The following SRGAP1 variants were observed in gnomAD, a reference collection of about 807,000 sequenced individuals.
The protein encoded by SRGAP1 is SLIT-ROBO Rho GTPase activating protein 1, also known as SLIT-ROBO Rho GTPase-activating protein 1.
In SRGAP1, 43 loss-of-function variants were observed where a neutral mutation model predicts 121.9. The observed-to-expected ratio is 0.35, with a 90% CI of 0.28 to 0.46. The LOEUF (loss-of-function observed/expected upper bound fraction) is 0.46, where lower values mean the gene tolerates loss of function less well. Ranked by LOEUF, SRGAP1 falls within the 20% of genes least tolerant of loss-of-function variation. The probability of loss-of-function intolerance (pLI) is 1.00; values close to 1 mark genes in which losing one functional copy is unlikely to be tolerated. For synonymous variants in SRGAP1, 447 were observed against 485.4 expected (o/e 0.92, Z 1.04); for missense variants, 1,102 against 1,350.9 (o/e 0.82, Z 2.89).
At chr12:64,046,324 G>C (rs902264844) in intron 6 of SRGAP1, among the ~76,000 whole-genome samples, 1 of 152,138 alleles carries the variant, frequency 6.6e-6, no homozygotes, top group African/African-American at 2.4e-5. Flanking sequence ...TTTTTGAGCA[G>C]GGAAGTGACA....
At chr12:64,012,071 A>G (rs959922317) in intron 3 of SRGAP1, among the ~76,000 whole-genome samples, 7 of 151,742 alleles carry the variant, frequency 4.6e-5, no homozygotes, top group African/African-American at 1.7e-4. Flanking sequence ...CAAACAAACA[A>G]AAAAAATTAT....
chr12:63,905,195 T>A (rs2030143076), intron 1 of SRGAP1, among the ~76,000 whole-genome samples: 1 of 152,208 alleles, frequency 6.6e-6, no homozygotes, highest in Non-Finnish European at 1.5e-5. Flanking sequence ...TTCAGTATCG[T>A]TAGTGCCTTC....
At chr12:64,122,501 T>C (rs1450151405) in intron 18 of SRGAP1, among the ~76,000 whole-genome samples, 1 of 152,196 alleles carries the variant, frequency 6.6e-6, no homozygotes, top group African/African-American at 2.4e-5. Flanking sequence ...GTTGATGTAC[T>C]AGGATTGCCA....
intron 15 of SRGAP1, among the ~76,000 whole-genome samples, chr12:64,101,921 AAACC>A (rs2036261215): frequency 6.6e-6 from 1 of 152,218 alleles, no homozygotes; most frequent in Non-Finnish European, 1.5e-5. Flanking sequence ...TCCTATCACA[AAACC>A]AACATGTAGT....
intron 21 of SRGAP1, among the ~76,000 whole-genome samples, chr12:64,134,009 G>A (rs372134864): frequency 1.3e-5 from 2 of 152,132 alleles, no homozygotes; most frequent in African/African-American, 4.8e-5. Context: ...GTTGCCACTT[G>A]GCTCCTGCTA....
At chr12:63,894,975 T>A (rs1900708014) in intron 1 of SRGAP1, among the ~76,000 whole-genome samples, 1 of 152,202 alleles carries the variant, frequency 6.6e-6, no homozygotes, top group Non-Finnish European at 1.5e-5. Flanking sequence ...TGATTTATAA[T>A]CCTTTGGGTC....
chr12:63,882,723 T>C (rs1343590022), intron 1 of SRGAP1, among the ~76,000 whole-genome samples: 2 of 152,246 alleles, frequency 1.3e-5, no homozygotes, highest in Non-Finnish European at 2.9e-5. Flanking sequence ...ATTGAATTTA[T>C]TTACAGACTG....
At position 64,087,000 on chromosome 12, in the gene SRGAP1, T is replaced by G; in HGVS notation, c.1410T>G (p.Gly470=). ...TTACTTTAAATTTTTTTCCTGCAGG[T>G]CATAGAGCTGAATATATGACTACAA... ...HDLLQRTLGE[G]HRAEYMTTRP... Residue 470 remains glycine (G), a splice_region_variant and synonymous_variant, in exon 11 of 22, where the codon GGT becomes GGG. Coordinates refer to ENST00000355086, the MANE Select transcript of SRGAP1 (RefSeq NM_020762.4). 6.3e-7 allele frequency: 1 copy of G among 1,595,160 alleles called. No individual in the cohort carries two copies. Among genetic ancestry groups the G allele is most frequent in the Non-Finnish European group, 8.6e-7 (1 of 1,167,448 alleles).
At chr12:63,980,509 C>T (rs1309996628) in intron 1 of SRGAP1, among the ~76,000 whole-genome samples, 1 of 151,938 alleles carries the variant, frequency 6.6e-6, no homozygotes, top group African/African-American at 2.4e-5. Flanking sequence ...GCCATTTGTG[C>T]AGGGAGGTAA....
rs186536256 is a variant in SRGAP1, at chr12:64,058,295, A to G, written c.802-4622A>G. Among the ~76,000 whole-genome samples the G allele has an allele frequency of 1.1e-4, 17 of 152,302 alleles. No homozygotes were observed. In the East Asian group the frequency reaches 3.3e-3, roughly 29 times the overall value. On this transcript the variant is annotated intron_variant, in intron 6 of 21. Coordinates refer to ENST00000355086, the MANE Select transcript of SRGAP1 (RefSeq NM_020762.4). The stretch of plus-strand genomic sequence containing the variant: ...AACTTTTCGACTTTACAATAAGTTT[A>G]TTGGGGCATTAAATGCATTTTTAAT...
At chr12:64,088,546 G>A (rs369604454) in intron 11 of SRGAP1, among the ~76,000 whole-genome samples, 2 of 152,302 alleles carry the variant, frequency 1.3e-5, no homozygotes, top group South Asian at 4.1e-4. Context: ...GAAGTCATGT[G>A]GTAGCCACAG....
intron 1 of SRGAP1, among the ~76,000 whole-genome samples, chr12:63,928,463 A>G (rs2136334729): frequency 6.6e-6 from 1 of 152,342 alleles, no homozygotes; most frequent in South Asian, 2.1e-4. Context: ...AAATTCTGGT[A>G]TATCTATACC....
intron 3 of SRGAP1, among the ~76,000 whole-genome samples, chr12:63,993,281 AC>A (rs1198389955): frequency 2.0e-5 from 3 of 152,170 alleles, no homozygotes; most frequent in African/African-American, 7.2e-5. Flanking sequence ...AATTACCTTG[AC>A]CAGCAAGATA....
chr12:64,134,206 G>C (rs1272977355), intron 21 of SRGAP1, among the ~76,000 whole-genome samples: 1 of 151,918 alleles, frequency 6.6e-6, no homozygotes, highest in Non-Finnish European at 1.5e-5. Context: ...CAGATCACGG[G>C]GTCAGGAGAT....
At position 63,890,048 on chromosome 12, in the gene SRGAP1, C is replaced by A. The variant is rs542103043; in HGVS notation, c.67+45165C>A. On this transcript the variant is annotated intron_variant, in intron 1 of 21. Coordinates refer to ENST00000355086, the MANE Select transcript of SRGAP1 (RefSeq NM_020762.4). Reference sequence around the variant, plus strand: ...GGTCTGTAGCTTCTTTCCTTTCTATCTCTTTTAGATTGCTGCAGATTCACA... The same window carrying A: ...GGTCTGTAGCTTCTTTCCTTTCTATATCTTTTAGATTGCTGCAGATTCACA... 4.1e-4 allele frequency among the ~76,000 whole-genome samples: 62 copies of A among 152,230 alleles called. 1 individual carries two copies. The South Asian group carries it at 0.012, about 30-fold the overall frequency.
intron 1 of SRGAP1, among the ~76,000 whole-genome samples, chr12:63,854,262 T>C (rs747242416): frequency 6.6e-6 from 1 of 152,208 alleles, no homozygotes; most frequent in Non-Finnish European, 1.5e-5. Context: ...TAGCTTTCTT[T>C]ATAGTTTTGA....
intron 21 of SRGAP1, among the ~76,000 whole-genome samples, chr12:64,140,317 G>A (rs576195313): frequency 1.8e-3 from 270 of 146,310 alleles, no homozygotes; most frequent in African/African-American, 6.8e-3. Context: ...CATTGAATCT[G>A]TAAATTACCT....
intron 1 of SRGAP1, among the ~76,000 whole-genome samples, chr12:63,868,050 ATATATATTTT>A (rs1410304284): frequency 3.6e-5 from 1 of 28,164 alleles, no homozygotes; most frequent in Non-Finnish European, 7.7e-5. Context: ...ATATATATAT[ATATATATTTT>A]TTTTTTTTTT....
At chr12:64,048,615 A>C (rs532197146) in intron 6 of SRGAP1, among the ~76,000 whole-genome samples, 1 of 152,196 alleles carries the variant, frequency 6.6e-6, no homozygotes, top group Non-Finnish European at 1.5e-5. Context: ...TTACATTCCC[A>C]CCAACAGTGT....
Sources: allele counts gnomAD v4.1 joint callset (sites outside exome capture counted in the v4.1 genomes callset), GRCh38; gene constraint gnomAD v4.1.1; transcripts MANE v1.5; gene names NCBI Gene and HGNC (gene_info 2026-07-23, HGNC 2026-07-21).